TLN2: variants seen among roughly 807,000 people sequenced by gnomAD.
The protein encoded by TLN2 is talin-2.
Under a neutral mutation model 294.7 loss-of-function variants are expected in TLN2, and 118 were observed. That is an observed-to-expected ratio of 0.40 (90% CI 0.34 to 0.47). The LOEUF (loss-of-function observed/expected upper bound fraction) is 0.47, where lower values mean the gene tolerates loss of function less well. Ranked by LOEUF, TLN2 falls within the 20% of genes least tolerant of loss-of-function variation. The probability of loss-of-function intolerance (pLI) is 0.84; values close to 1 mark genes in which losing one functional copy is unlikely to be tolerated. For missense variants in TLN2, 3,083 were observed against 3,282.2 expected (o/e 0.94, Z 1.48); for synonymous variants, 1,431 against 1,304.5 (o/e 1.10, Z -2.09).
rs546678440 is a variant in TLN2 at position 62,399,256 on chromosome 15, C to CAAAAAAAAAAAAAAA, written c.-238+8586_-238+8600dup. On this transcript the variant is annotated intron_variant, in intron 1 of 58. Transcript: ENST00000636159. ...TGACAGAGCGAGACTCCGTCTCAAA[C>CAAAAAAAAAAAAAAA]AAAAAAAAAAAAAAAAAAAAAAAAA... Among the ~76,000 whole-genome samples, 11 of 58,432 alleles carry CAAAAAAAAAAAAAAA rather than the reference C, an allele frequency of 1.9e-4. 1 individual carries two copies. The highest frequency in any genetic ancestry group is 2.6e-4 in the Non-Finnish European group (9 of 35,258). 38.3% of individuals were successfully genotyped at this position (58,432 alleles called of 152,430 possible). A position where few individuals can be genotyped will look rare whatever the true frequency, so the allele number is the denominator to read the frequency against.
At chr15:62,696,174 C>A (rs2058317473) in intron 14 of TLN2, among the ~76,000 whole-genome samples, 1 of 152,192 alleles carries the variant, frequency 6.6e-6, no homozygotes, top group Non-Finnish European at 1.5e-5. Flanking sequence ...CTTGGGATCC[C>A]CGCGTGGCTA....
At chr15:62,748,579 T>C in intron 33 of TLN2, 135 bp downstream of exon 33, 1 of 719,010 alleles carries the variant, frequency 1.4e-6, no homozygotes, top group Non-Finnish European at 2.3e-6. Flanking sequence ...CCTTGCCTTT[T>C]ATCTTTCCTT....
At chr15:62,583,268 G>A (rs1160370032) in intron 1 of TLN2, among the ~76,000 whole-genome samples, 1 of 152,152 alleles carries the variant, frequency 6.6e-6, no homozygotes, top group Non-Finnish European at 1.5e-5. Flanking sequence ...TTGTAGAGTT[G>A]CCTTTTTCTG....
At chr15:62,411,429 ATGTGTGTGTGTGTGTGTGTGTGTGTGTG>A (rs71125998) in intron 1 of TLN2, among the ~76,000 whole-genome samples, 2 of 136,596 alleles carry the variant, frequency 1.5e-5, no homozygotes, top group Non-Finnish European at 3.1e-5. Context: ...TGAGTAATGG[ATGTGTGTGTGTGTGTGTGTGTGTGTGTG>A]TGTGTGTGTG....
At chr15:62,405,944 G>T (rs1464256768) in intron 1 of TLN2, among the ~76,000 whole-genome samples, 2 of 152,226 alleles carry the variant, frequency 1.3e-5, no homozygotes, top group Non-Finnish European at 2.9e-5. Flanking sequence ...GGCTGAGCTG[G>T]CTCTTTGATG....
chr15:62,453,770 C>T (rs28718139), intron 1 of TLN2: 3 of 152,358 alleles, frequency 2.0e-5, no homozygotes, highest in East Asian at 1.9e-4. Context: ...GAATCCCTCT[C>T]TCTGTGTTTT....
intron 1 of TLN2, among the ~76,000 whole-genome samples, chr15:62,569,734 TTGTGATCG>T (rs2140637063): frequency 6.6e-6 from 1 of 152,344 alleles, no homozygotes; most frequent in African/African-American, 2.4e-5. Context: ...GAGAGAAATG[TTGTGATCG>T]TGTAGGATAG....
chr15:62,408,207 TA>T (rs2033541416), intron 1 of TLN2, among the ~76,000 whole-genome samples: 1 of 152,154 alleles, frequency 6.6e-6, no homozygotes, highest in Admixed American at 6.5e-5. Context: ...TGGCCTTAGA[TA>T]AGTCACTGTG....
In TLN2 at chr15:62,446,883, T is replaced by C. The variant is rs367902813; in HGVS notation, c.-238+56198T>C. On this transcript the variant is annotated intron_variant, in intron 1 of 58. Transcript: ENST00000636159. ...TAAAGAACACAAGATTAAATAACCA[T>C]TCAAACCGGACAAGGCATAATTAGT... 1.5e-4 allele frequency among the ~76,000 whole-genome samples: 23 copies of C among 152,178 alleles called. 1 individual carries two copies. Among genetic ancestry groups the C allele is most frequent in the African/African-American group, 5.6e-4 (23 of 41,432 alleles).
intron 1 of TLN2, among the ~76,000 whole-genome samples, chr15:62,512,352 TTAG>T (rs1403615270): frequency 6.6e-6 from 1 of 152,172 alleles, no homozygotes; most frequent in African/African-American, 2.4e-5. Context: ...CTGCTCTCTC[TTAG>T]TGGAAAATTA....
chr15:62,451,722 G>T (rs2036164667), intron 1 of TLN2, among the ~76,000 whole-genome samples: 1 of 152,218 alleles, frequency 6.6e-6, no homozygotes. Flanking sequence ...CAGAACTGTG[G>T]TGAGGGAGCC....
chr15:62,840,762 C>T lies in TLN2; in HGVS notation c.*152C>T, dbSNP rs1302750570. 45 of 1,076,998 alleles carry T rather than the reference C, an allele frequency of 4.2e-5. No individual in the cohort carries two copies. The highest frequency in any genetic ancestry group is 5.4e-5 in the Non-Finnish European group (42 of 770,762). 66.7% of individuals were successfully genotyped at this position (1,076,998 alleles called of 1,614,324 possible). On this transcript the variant is annotated 3_prime_UTR_variant, in exon 59 of 59. Transcript: ENST00000636159. Reference sequence around the variant, plus strand: ...CGTGCTTGTTCTCACATCTCTGTCCCGTCGGCACTGGCTGCATGATCGTGA... The same window carrying T: ...CGTGCTTGTTCTCACATCTCTGTCCTGTCGGCACTGGCTGCATGATCGTGA...
intron 57 of TLN2, 45 bp from the exon 58 acceptor site, chr15:62,838,811 A>G (rs762250931): frequency 1.2e-6 from 2 of 1,602,058 alleles, no homozygotes; most frequent in South Asian, 1.1e-5. Flanking sequence ...CCAGGCCCAA[A>G]TGGCTGTTTC....
chr15:62,741,495 GC>G (rs2061317229), intron 32 of TLN2, among the ~76,000 whole-genome samples: 1 of 152,134 alleles, frequency 6.6e-6, no homozygotes, highest in Non-Finnish European at 1.5e-5. Context: ...CGTATCAGCA[GC>G]CCCTCTTTCA....
At chr15:62,717,718 T>C in intron 24 of TLN2, 29 bp downstream of exon 24, 1 of 1,491,114 alleles carries the variant, frequency 6.7e-7, no homozygotes, top group South Asian at 1.4e-5. Context: ...GAGAGCCAGG[T>C]CAGCTGCAGA....
At chr15:62,658,715 G>A (rs2140963275) in intron 9 of TLN2, among the ~76,000 whole-genome samples, 1 of 152,286 alleles carries the variant, frequency 6.6e-6, no homozygotes, top group South Asian at 2.1e-4. Context: ...TACCCCACCA[G>A]TCTGGCTTCC....
chr15:62,396,094 A>G (rs1289333773), intron 1 of TLN2, among the ~76,000 whole-genome samples: 1 of 152,164 alleles, frequency 6.6e-6, no homozygotes, highest in Non-Finnish European at 1.5e-5. Flanking sequence ...TTGGCCTCCC[A>G]AAGTGCTATG....
intron 12 of TLN2, among the ~76,000 whole-genome samples, chr15:62,689,562 A>C (rs545863031): frequency 1.4e-4 from 21 of 152,174 alleles, no homozygotes; most frequent in South Asian, 6.2e-4. Flanking sequence ...TTAAGGGTAC[A>C]TCTGCTAGCA....
intron 45 of TLN2, chr15:62,784,285 T>C (rs1314433211): frequency 2.8e-5 from 9 of 324,112 alleles, no homozygotes. Context: ...TTCACAGAAG[T>C]GTTGAAAGAT....
Sources: gnomAD v4.1 joint callset for allele counts (sites outside exome capture counted in the v4.1 genomes callset) on GRCh38, gnomAD v4.1.1 for gene constraint, MANE v1.5 for transcripts, NCBI Gene and HGNC (gene_info 2026-07-23, HGNC 2026-07-21) for gene names.